The following SCN8A variants were observed in gnomAD, a reference collection of about 807,000 sequenced individuals.
SCN8A encodes sodium voltage-gated channel alpha subunit 8.
SCN8A carries 30 observed loss-of-function variants against 184.1 expected under a neutral mutation model. That is an observed-to-expected ratio of 0.16 (90% CI 0.12 to 0.22). The LOEUF (loss-of-function observed/expected upper bound fraction) is 0.22, where lower values mean the gene tolerates loss of function less well. Among genes scored for constraint, SCN8A ranks in the 10% least tolerant of loss-of-function variants. The pLI is 1.00. For missense variants in SCN8A, 1,057 were observed against 2,498.9 expected, an observed-to-expected ratio of 0.42 and a Z score of 12.30; for synonymous variants, 852 against 907.0, an observed-to-expected ratio of 0.94 and a Z score of 1.09.
chr12:51,725,593 G>C (rs907429181), intron 12 of SCN8A, among the ~76,000 whole-genome samples: 1 of 152,178 alleles, frequency 6.6e-6, no homozygotes, highest in Non-Finnish European at 1.5e-5. Context: ...GAGCGCTGTA[G>C]TGACTTGGGA....
chr12:51,670,562 GTGTT>G (rs754262381), intron 2 of SCN8A, among the ~76,000 whole-genome samples: 52 of 152,252 alleles, frequency 3.4e-4, no homozygotes, highest in Admixed American at 1.0e-3. Flanking sequence ...CAGAGGTGTG[GTGTT>G]TGTTTGAGAA....
chr12:51,649,547 C>T (rs1209922006), intron 1 of SCN8A, among the ~76,000 whole-genome samples: 1 of 152,212 alleles, frequency 6.6e-6, no homozygotes, highest in Non-Finnish European at 1.5e-5. Context: ...ACTTCTGTGC[C>T]CTCGCAGGCT....
At chr12:51,722,911 C>G (rs1167933201) in intron 12 of SCN8A, 1 of 152,136 alleles carries the variant, frequency 6.6e-6, no homozygotes, top group African/African-American at 2.4e-5. Flanking sequence ...TTCTTATAAC[C>G]TTAGTGATCC....
intron 1 of SCN8A, among the ~76,000 whole-genome samples, chr12:51,619,839 A>G (rs1266587618): frequency 3.3e-5 from 5 of 152,200 alleles, no homozygotes; most frequent in South Asian, 2.1e-4. Context: ...TCAGTTCCCA[A>G]TCCTCAAATG....
At chr12:51,719,862 G>C (rs1274269499) in intron 11 of SCN8A, among the ~76,000 whole-genome samples, 1 of 151,794 alleles carries the variant, frequency 6.6e-6, no homozygotes, top group East Asian at 1.9e-4. Flanking sequence ...GGATCACGAG[G>C]TCAGGAGATC....
In SCN8A at chr12:51,720,743, A is replaced by T. The variant is rs548488905; in HGVS notation, c.1636-803A>T. On this transcript the variant is annotated intron_variant, in intron 11 of 26. Transcript: ENST00000627620. ...TTGACCAGGACATGTACTTGGAGAG[A>T]ATGGCAAATGATACAGGCACGTTTT... 3.9e-5 allele frequency among the ~76,000 whole-genome samples: 6 copies of T among 152,210 alleles called. No homozygotes were observed. The East Asian group carries it at 9.7e-4, about 25-fold the overall frequency.
intron 14 of SCN8A, among the ~76,000 whole-genome samples, chr12:51,759,809 C>T (rs1233811270): frequency 2.0e-5 from 3 of 152,188 alleles, no homozygotes; most frequent in East Asian, 3.8e-4. Context: ...TAATTTATAA[C>T]AGACAGAAAT....
At chr12:51,719,899 A>T (rs1942021798) in intron 11 of SCN8A, among the ~76,000 whole-genome samples, 2 of 151,836 alleles carry the variant, frequency 1.3e-5, no homozygotes, top group African/African-American at 4.8e-5. Flanking sequence ...ACACGGTGAA[A>T]CCCCGTCTCT....
In SCN8A at chr12:51,608,021, C is replaced by CTTTTT. The variant is rs749172465; in HGVS notation, c.-55+16675_-55+16679dup. ...GGATTGGTACCAATTTTTCTTTTTC[C>CTTTTT]TTTTTTTTTTTTTTTTTGAGATGGA... On this transcript the variant is annotated intron_variant, in intron 1 of 26. Transcript: ENST00000627620. 5.7e-4 allele frequency among the ~76,000 whole-genome samples: 76 copies of CTTTTT among 133,460 alleles called. 1 individual carries two copies. Among genetic ancestry groups the CTTTTT allele is most frequent in the African/African-American group, 2.0e-3 (71 of 36,354 alleles). The allele number at this position is 133,460 out of a possible 152,430, so 87.6% of individuals were successfully genotyped here.
At chr12:51,729,870 A>T (rs1183126699) in intron 12 of SCN8A, among the ~76,000 whole-genome samples, 21 of 152,130 alleles carry the variant, frequency 1.4e-4, no homozygotes, top group Non-Finnish European at 1.5e-5. Context: ...TGCATATAAA[A>T]TGTTGTTTTA....
chr12:51,788,202 A>G lies in SCN8A; in HGVS notation c.4228-493A>G, dbSNP rs938121781. Among the ~76,000 whole-genome samples, 9 of 151,792 alleles carry G rather than the reference A, an allele frequency of 5.9e-5. No individual in the cohort carries two copies. In the East Asian group the frequency reaches 1.7e-3, roughly 29 times the overall value. The stretch of plus-strand genomic sequence containing the variant: ...GGTATTGCTACTACATAGGCTATAC[A>G]TGTGTATATTAGTAAAGGGTAAGTC... On this transcript the variant is annotated intron_variant, in intron 22 of 26. Transcript: ENST00000627620.
In SCN8A at chr12:51,656,369, G is replaced by A. The variant is rs187598352; in HGVS notation, c.-54-6395G>A. Among the ~76,000 whole-genome samples, 382 of 152,140 alleles carry A rather than the reference G, an allele frequency of 2.5e-3. 2 individuals are homozygous for A. The highest frequency in any genetic ancestry group is 4.2e-3 in the Non-Finnish European group (284 of 67,974). On this transcript the variant is annotated intron_variant, in intron 1 of 26. Coordinates refer to ENST00000627620, the MANE Select transcript of SCN8A (RefSeq NM_001330260.2). The stretch of plus-strand genomic sequence containing the variant: ...ATAATAAAGATTGTAAAACAAAGGA[G>A]AATACCTACATGGCCTTGGAATAGG...
intron 1 of SCN8A, among the ~76,000 whole-genome samples, chr12:51,645,214 G>GC (rs1940549792): frequency 6.9e-6 from 1 of 145,100 alleles, no homozygotes; most frequent in African/African-American, 2.6e-5. Context: ...GGGGGGGTCA[G>GC]CCCCCCGCCC....
chr12:51,762,553 G>A lies in SCN8A; in HGVS notation c.2421G>A (p.Met807Ile). Residue 807 changes from methionine to isoleucine, a missense_variant, in exon 15 of 27, where the codon ATG (methionine) becomes ATA (isoleucine). This residue lies in a region of SCN8A where 66 missense variants were observed against 310.6 expected (regional missense o/e 0.21). Transcript: ENST00000627620. ...TAEMFLKLIA[M>I]DPYYYFQEGW... is the part of the protein sequence containing the mutation. ...AAATGTTCCTGAAGCTCATAGCCAT[G>A]GATCCCTACTATTATTTCCAAGAAG... is the stretch of plus-strand genomic sequence containing the variant. The A allele has an allele frequency of 6.2e-7, 1 of 1,613,532 alleles. No homozygotes were observed. Among genetic ancestry groups the A allele is most frequent in the Non-Finnish European group, 8.5e-7 (1 of 1,179,740 alleles).
intron 1 of SCN8A, among the ~76,000 whole-genome samples, chr12:51,629,623 G>A (rs938560411): frequency 6.7e-6 from 1 of 150,130 alleles, no homozygotes; most frequent in South Asian, 2.1e-4. Flanking sequence ...TGGTTTAGAG[G>A]ACGTACATAA....
rs1942884040 is a variant in SCN8A, at chr12:51,769,128, G to T, written c.3165G>T (p.Arg1055=). Residue 1055 remains arginine, a synonymous_variant, in exon 17 of 27, where the codon CGG becomes CGT. Transcript: ENST00000627620. ...IANHTGADIH[R]NGDFQKNGNG... is the part of the protein sequence containing the mutation. ...ATCACACCGGTGCAGACATCCACCG[G>T]AATGGTGACTTCCAGAAGAATGGCA... 6.2e-7 allele frequency: 1 copy of T among 1,613,272 alleles called. No homozygotes were observed. The highest frequency in any genetic ancestry group is 2.2e-5 in the East Asian group (1 of 44,876).
intron 1 of SCN8A, among the ~76,000 whole-genome samples, chr12:51,639,102 C>A (rs527399688): frequency 1.1e-3 from 167 of 152,016 alleles, no homozygotes; most frequent in African/African-American, 3.8e-3. Flanking sequence ...ACCCAGCCTA[C>A]AGCATAGCTG....
intron 1 of SCN8A, among the ~76,000 whole-genome samples, chr12:51,636,730 G>T (rs1243140095): frequency 6.6e-6 from 1 of 152,178 alleles, no homozygotes; most frequent in Non-Finnish European, 1.5e-5. Flanking sequence ...CTATCCAGTG[G>T]CCTACTGTGT....
chr12:51,699,384 A>G (rs1712195811), intron 6 of SCN8A, among the ~76,000 whole-genome samples, 186 bp from the exon 7 acceptor site: 1 of 152,258 alleles, frequency 6.6e-6, no homozygotes, highest in African/African-American at 2.4e-5. Flanking sequence ...TTCACTTAAA[A>G]ATGGATACTT....
Sources: allele counts gnomAD v4.1 joint callset (sites outside exome capture counted in the v4.1 genomes callset), GRCh38; gene constraint gnomAD v4.1.1; regional missense constraint gnomAD v4.1.1; transcripts MANE v1.5; gene names NCBI Gene and HGNC (gene_info 2026-07-23, HGNC 2026-07-21).